RHBDD1: variants seen among roughly 807,000 people sequenced by gnomAD.
RHBDD1 encodes rhomboid-related protein 4.
Under a neutral mutation model 36.3 loss-of-function variants are expected in RHBDD1, and 38 were observed. The observed-to-expected ratio is 1.05, with a 90% CI of 0.81 to 1.37. The LOEUF is 1.37. RHBDD1 is among the 40% of genes most tolerant of loss of function. RHBDD1 has a pLI of 0.00. For missense variants in RHBDD1, 393 were observed against 377.6 expected, an observed-to-expected ratio of 1.04 and a Z score of -0.34; for synonymous variants, 151 against 136.5, an observed-to-expected ratio of 1.11 and a Z score of -0.74.
At chr2:226,895,855 G>A (rs1450337910) in intron 5 of RHBDD1, 2 of 975,206 alleles carry the variant, frequency 2.1e-6, no homozygotes, top group African/African-American at 3.5e-5. Context: ...GAGAAGTACT[G>A]TTCTTAAAAT....
intron 1 of RHBDD1, among the ~76,000 whole-genome samples, chr2:226,836,799 G>A (rs1941021997): frequency 6.6e-6 from 1 of 152,140 alleles, no homozygotes; most frequent in African/African-American, 2.4e-5. Flanking sequence ...TTATTAGAAG[G>A]CTTTATCTAA....
At chr2:226,857,094 A>G (rs1253582172) in intron 3 of RHBDD1, among the ~76,000 whole-genome samples, 1 of 127,672 alleles carries the variant, frequency 7.8e-6, no homozygotes, top group African/African-American at 4.5e-5. Context: ...AAAGTGTAAG[A>G]GAGTGTGTGT....
intron 4 of RHBDD1, 148 bp downstream of exon 4, chr2:226,865,274 G>T (rs1944231473): frequency 6.0e-6 from 4 of 666,050 alleles, no homozygotes; most frequent in Non-Finnish European, 1.1e-5. Context: ...GCTGGAGCAT[G>T]CAGGGACTAG....
chr2:226,925,065 G>T (rs1445795784), intron 8 of RHBDD1, among the ~76,000 whole-genome samples: 1 of 152,112 alleles, frequency 6.6e-6, no homozygotes, highest in East Asian at 1.9e-4. Flanking sequence ...CTTTCTATTT[G>T]GCCGTTTTGC....
At chr2:226,889,417 A>C (rs1946502638) in intron 5 of RHBDD1, among the ~76,000 whole-genome samples, 1 of 152,216 alleles carries the variant, frequency 6.6e-6, no homozygotes, top group African/African-American at 2.4e-5. Flanking sequence ...AAGTTCAGCT[A>C]AGAACCAACA....
At chr2:226,948,757 A>G (rs545196646) in intron 8 of RHBDD1, among the ~76,000 whole-genome samples, 1 of 151,934 alleles carries the variant, frequency 6.6e-6, no homozygotes, top group African/African-American at 2.4e-5. Flanking sequence ...CTCTCTCACC[A>G]CTCCTGTTCA....
chr2:226,903,034 C>T (rs969342756), intron 5 of RHBDD1, among the ~76,000 whole-genome samples: 6 of 152,118 alleles, frequency 3.9e-5, no homozygotes, highest in Non-Finnish European at 7.4e-5. Context: ...TTCAGAAATA[C>T]CAATATTATT....
At chr2:226,994,801 G>A (rs1004803520) in intron 8 of RHBDD1, among the ~76,000 whole-genome samples, 5 of 152,074 alleles carry the variant, frequency 3.3e-5, no homozygotes, top group African/African-American at 1.2e-4. Context: ...CTGTGTTTTT[G>A]GTAAGTTTGC....
At chr2:226,867,777 G>A (rs1173648324) in intron 5 of RHBDD1, 1 of 558,680 alleles carries the variant, frequency 1.8e-6, no homozygotes, top group African/African-American at 2.1e-5. Flanking sequence ...GGAGTGCAGT[G>A]GCGTGATCTC....
At chr2:226,911,662 T>TG (rs1948527498) in intron 7 of RHBDD1, among the ~76,000 whole-genome samples, 1 of 150,732 alleles carries the variant, frequency 6.6e-6, no homozygotes, top group African/African-American at 2.4e-5. Context: ...AGTGCAGCAA[T>TG]GGGGGCTAAA....
At chr2:226,977,886 T>C (rs1251096277) in intron 8 of RHBDD1, among the ~76,000 whole-genome samples, 1 of 152,232 alleles carries the variant, frequency 6.6e-6, no homozygotes, top group African/African-American at 2.4e-5. Context: ...ATGAAGAGTT[T>C]GCATTTTAAC....
chr2:226,935,021 C>T (rs1950250510), intron 8 of RHBDD1, among the ~76,000 whole-genome samples: 2 of 151,982 alleles, frequency 1.3e-5, no homozygotes. Flanking sequence ...TTCTTAGATT[C>T]TTCTGAAAGG....
intron 8 of RHBDD1, among the ~76,000 whole-genome samples, chr2:226,917,556 CT>C (rs144862134): frequency 0.012 from 1,811 of 152,216 alleles, 42 homozygotes; most frequent in African/African-American, 0.041. Context: ...CTAGCTTCTA[CT>C]TTGTGAGTAT....
chr2:226,929,453 A>G (rs994638905), intron 8 of RHBDD1, among the ~76,000 whole-genome samples: 3 of 152,060 alleles, frequency 2.0e-5, no homozygotes, highest in African/African-American at 7.2e-5. Context: ...TCCAGCATCC[A>G]TTTATGATAA....
chr2:226,966,804 A>C (rs932348180), intron 8 of RHBDD1, among the ~76,000 whole-genome samples: 17 of 151,564 alleles, frequency 1.1e-4, no homozygotes, highest in African/African-American at 4.1e-4. Flanking sequence ...TAGCCAGCTG[A>C]GACTACAGGC....
intron 8 of RHBDD1, among the ~76,000 whole-genome samples, chr2:226,980,984 C>T (rs1482876531): frequency 6.6e-6 from 1 of 152,146 alleles, no homozygotes; most frequent in Non-Finnish European, 1.5e-5. Flanking sequence ...AATTCTAGTT[C>T]AGTTTGAGAC....
intron 8 of RHBDD1, among the ~76,000 whole-genome samples, chr2:226,972,671 A>G (rs951973365): frequency 6.6e-6 from 1 of 152,196 alleles, no homozygotes; most frequent in African/African-American, 2.4e-5. Context: ...GTCATTCAGC[A>G]AATAATGACT....
rs769636466 is a variant in RHBDD1 at position 226,996,999 on chromosome 2, C to T, written c.*1477C>T. The T allele has an allele frequency of 6.6e-6, 1 of 152,136 alleles. No individual in the cohort carries two copies. The highest frequency in any genetic ancestry group is 1.5e-5 in the Non-Finnish European group (1 of 68,024). The allele number at this position is 152,136 out of a possible 1,614,324, so 9.4% of individuals were successfully genotyped here. ...GGTGGTATTGTCTTATCAATTTTTC[C>T]GTTGATACATTCAGCAAATTTGGAG... On this transcript the variant is annotated 3_prime_UTR_variant, in exon 9 of 9. Coordinates refer to ENST00000392062, the MANE Select transcript of RHBDD1 (RefSeq NM_001167608.3).
chr2:226,925,181 T>C (rs1437208889), intron 8 of RHBDD1, among the ~76,000 whole-genome samples: 5 of 152,176 alleles, frequency 3.3e-5, no homozygotes, highest in African/African-American at 1.2e-4. Flanking sequence ...GGAAAACACA[T>C]TGGAAATGTA....
Sources: allele counts gnomAD v4.1 joint callset (sites outside exome capture counted in the v4.1 genomes callset), GRCh38; gene constraint gnomAD v4.1.1; transcripts MANE v1.5; gene names NCBI Gene and HGNC (gene_info 2026-07-23, HGNC 2026-07-21).